Variants in SPATA7 observed in about 807,000 individuals in gnomAD.
SPATA7 encodes spermatogenesis-associated protein 7.
In SPATA7, 43 loss-of-function variants were observed where a neutral mutation model predicts 51.8. The observed-to-expected ratio is 0.83, with a 90% confidence interval of 0.65 to 1.07. The LOEUF is 1.07. Ranked by LOEUF, SPATA7 falls within the 50% of genes least tolerant of loss-of-function variation. The pLI is 0.00. For synonymous variants in SPATA7, 230 were observed against 252.8 expected, an observed-to-expected ratio of 0.91 and a Z score of 0.86; for missense variants, 683 against 701.3, an observed-to-expected ratio of 0.97 and a Z score of 0.30.
At chr14:88,460,439 C>T (rs2077310183) in intron 4 of SPATA7, among the ~76,000 whole-genome samples, 1 of 152,154 alleles carries the variant, frequency 6.6e-6, no homozygotes, top group South Asian at 2.1e-4. Context: ...AACTTCTCTT[C>T]TTGCTTCATT....
chr14:88,450,904 A>G (rs932290434), intron 3 of SPATA7, among the ~76,000 whole-genome samples: 1 of 152,168 alleles, frequency 6.6e-6, no homozygotes, highest in South Asian at 2.1e-4. Context: ...CCAAACTTTT[A>G]GATTTATCTT....
chr14:88,400,605 AG>A (rs1415626275), intron 4 of SPATA7, among the ~76,000 whole-genome samples: 5 of 152,122 alleles, frequency 3.3e-5, no homozygotes, highest in African/African-American at 1.2e-4. Flanking sequence ...AGGCCAAGAC[AG>A]GCAGATCACT....
At chr14:88,442,455 G>T (rs970729865), downstream of SPATA7, among the ~76,000 whole-genome samples, 1 of 152,088 alleles carries the variant, frequency 6.6e-6, no homozygotes. Context: ...AGCATAGAAG[G>T]TATGTTCCTT....
intron 1 of SPATA7, among the ~76,000 whole-genome samples, chr14:88,386,813 TTGAA>T (rs1309592734): frequency 2.6e-5 from 4 of 152,216 alleles, no homozygotes; most frequent in African/African-American, 9.6e-5. Flanking sequence ...ATGTCTTTCT[TTGAA>T]TGAGTCTGCC....
rs1033041905 is a variant in SPATA7, at chr14:88,391,518, C to A, written c.94+63C>A. 58 of 1,317,958 alleles carry A rather than the reference C, an allele frequency of 4.4e-5. 1 individual carries two copies. In the South Asian group the frequency reaches 6.5e-4, roughly 15 times the overall value. 81.6% of individuals were successfully genotyped at this position (1,317,958 alleles called of 1,614,324 possible). On this transcript the variant is annotated intron_variant, in intron 2 of 11. Transcript: ENST00000393545. ...ATTGTCTGAGTGTTTCCTTTACTGG[C>A]AAATTATATGACATGATGGAAAAAT...
chr14:88,385,994 G>T (rs1459477423), intron 1 of SPATA7, 157 bp downstream of exon 1: 3 of 1,497,254 alleles, frequency 2.0e-6, no homozygotes, highest in Non-Finnish European at 1.8e-6. Flanking sequence ...CCAGGCCTGC[G>T]CAAAGGAAGA....
chr14:88,412,518 C>T (rs1035469459), intron 4 of SPATA7, among the ~76,000 whole-genome samples: 5 of 152,022 alleles, frequency 3.3e-5, no homozygotes, highest in Admixed American at 6.6e-5. Flanking sequence ...GCTTTATGTT[C>T]GCTCGCAGCT....
Position 88,429,343 on chromosome 14 carries a change from C to G in SPATA7, c.913-5C>G. 6.4e-7 allele frequency: 1 copy of G among 1,554,808 alleles called. No individual in the cohort carries two copies. Among genetic ancestry groups the G allele is most frequent in the Non-Finnish European group, 8.9e-7 (1 of 1,127,118 alleles). Reference sequence around the variant, plus strand: ...AAATAAATATTTTTTTTATTGCATCCCCAGGCATCTAATTGTGTGACATAT... The same window carrying G: ...AAATAAATATTTTTTTTATTGCATCGCCAGGCATCTAATTGTGTGACATAT... On this transcript the variant is annotated splice_region_variant and splice_polypyrimidine_tract_variant and intron_variant, in intron 7 of 11. Coordinates refer to ENST00000393545, the MANE Select transcript of SPATA7 (RefSeq NM_018418.5).
At chr14:88,434,781 A>G (rs1457600337) in intron 10 of SPATA7, among the ~76,000 whole-genome samples, 1 of 152,188 alleles carries the variant, frequency 6.6e-6, no homozygotes. Context: ...AGAAATACAA[A>G]TGAATAGAAA....
At chr14:88,435,042 A>G (rs2077048451) in intron 10 of SPATA7, among the ~76,000 whole-genome samples, 2 of 152,210 alleles carry the variant, frequency 1.3e-5, no homozygotes, top group Admixed American at 1.3e-4. Context: ...GGAGCCAGAC[A>G]CATCTGGGTT....
intron 4 of SPATA7, among the ~76,000 whole-genome samples, chr14:88,403,056 A>C (rs1010298212): frequency 2.6e-5 from 4 of 151,992 alleles, no homozygotes; most frequent in African/African-American, 9.7e-5. Context: ...CAAGTGGCCA[A>C]TAAGTGTATG....
chr14:88,397,319 G>T (rs182508215), intron 4 of SPATA7, among the ~76,000 whole-genome samples: 2 of 152,078 alleles, frequency 1.3e-5, no homozygotes, highest in African/African-American at 4.8e-5. Context: ...ATACTAAAAG[G>T]TGTTGACACA....
intron 3 of SPATA7, among the ~76,000 whole-genome samples, chr14:88,450,986 T>C (rs1015542745): frequency 2.6e-5 from 4 of 152,168 alleles, no homozygotes; most frequent in African/African-American, 9.7e-5. Flanking sequence ...GAGGCTTTGA[T>C]CATTTTAAAA....
chr14:88,432,307 T>C, intron 9 of SPATA7, among the ~76,000 whole-genome samples: 1 of 152,262 alleles, frequency 6.6e-6, no homozygotes, highest in East Asian at 1.9e-4. Flanking sequence ...TGTGAATCAG[T>C]TTGAAAGTGT....
At chr14:88,388,058 C>A (rs2075631149) in intron 1 of SPATA7, among the ~76,000 whole-genome samples, 1 of 151,926 alleles carries the variant, frequency 6.6e-6, no homozygotes, top group Non-Finnish European at 1.5e-5. Flanking sequence ...AAAAATTAGC[C>A]AGGCATGGTG....
At chr14:88,456,560 TTGA>T, downstream of SPATA7, among the ~76,000 whole-genome samples, 1 of 152,282 alleles carries the variant, frequency 6.6e-6, no homozygotes, top group East Asian at 1.9e-4. Flanking sequence ...CGCCCACTTG[TTGA>T]TGGGGTTGTT....
downstream of SPATA7, among the ~76,000 whole-genome samples, chr14:88,442,648 C>T (rs139525870): frequency 0.013 from 2,030 of 152,190 alleles, 18 homozygotes; most frequent in Non-Finnish European, 0.019. Context: ...CCCACTTGAT[C>T]GTGATGGATT....
downstream of SPATA7, among the ~76,000 whole-genome samples, chr14:88,456,596 T>C (rs2077285332): frequency 3.3e-5 from 5 of 152,290 alleles, no homozygotes; most frequent in South Asian, 1.0e-3. Context: ...GTAAATTTGT[T>C]AGAGTTCTTT....
At chr14:88,393,672 A>T in intron 3 of SPATA7, 184 bp downstream of exon 3, 1 of 506,540 alleles carries the variant, frequency 2.0e-6, no homozygotes, top group Non-Finnish European at 3.5e-6. Flanking sequence ...ATTTTTGTTA[A>T]CTATATTTGA....
Sources: gnomAD v4.1 joint callset for allele counts (sites outside exome capture counted in the v4.1 genomes callset) on GRCh38, gnomAD v4.1.1 for gene constraint, MANE v1.5 for transcripts, NCBI Gene and HGNC (gene_info 2026-07-23, HGNC 2026-07-21) for gene names.